PLCG2: variants seen among roughly 807,000 people sequenced by gnomAD.
The protein encoded by PLCG2 is phospholipase C gamma 2.
In PLCG2, 69 loss-of-function variants were observed where a neutral mutation model predicts 175.6. The observed-to-expected ratio is 0.39, with a 90% CI of 0.32 to 0.48. The LOEUF (loss-of-function observed/expected upper bound fraction) is 0.48, where lower values mean the gene tolerates loss of function less well. PLCG2 is among the 20% of genes least tolerant of loss of function. The pLI, the probability that PLCG2 is intolerant of heterozygous loss-of-function variation, is 0.91. For missense variants in PLCG2, 1,798 were observed against 1,650.9 expected, an observed-to-expected ratio of 1.09 and a Z score of -1.54; for synonymous variants, 827 against 624.0, an observed-to-expected ratio of 1.33 and a Z score of -4.85.
intron 31 of PLCG2, among the ~76,000 whole-genome samples, chr16:81,955,803 G>T (rs377416343): frequency 1.3e-5 from 2 of 152,202 alleles, no homozygotes; most frequent in Admixed American, 1.3e-4. Flanking sequence ...TTGTACTGGT[G>T]GGGGAAGTAG....
intron 29 of PLCG2, 45 bp from the exon 30 acceptor site, chr16:81,939,847 G>T: frequency 1.5e-6 from 2 of 1,351,952 alleles, no homozygotes; most frequent in Non-Finnish European, 2.1e-6. Flanking sequence ...TACCAGAAGG[G>T]GGCAGCTCCA....
Position 81,858,296 on chromosome 16 carries a change from C to G in PLCG2, c.371C>G (p.Ser124Cys), listed in dbSNP as rs1297995347. The G allele has an allele frequency of 6.2e-7, 1 of 1,614,028 alleles. No individual in the cohort carries two copies. Among genetic ancestry groups the G allele is most frequent in the East Asian group, 2.2e-5 (1 of 44,876 alleles). Reference protein sequence around the residue: ...DSKEDAVNWLSGLKILHQEAM... With the variant: ...DSKEDAVNWLCGLKILHQEAM... Reference sequence around the variant, plus strand: ...AAAGAGGATGCAGTTAACTGGCTCTCTGGCTTGAAAATCTTACACCAGGAA... The same window carrying G: ...AAAGAGGATGCAGTTAACTGGCTCTGTGGCTTGAAAATCTTACACCAGGAA... The change falls in exon 4 of 33, where the codon TCT becomes TGT. Residue 124 changes from serine to cysteine, a missense_variant. Physicochemically the swap from Ser to Cys is moderately radical, Grantham distance 112. Coordinates refer to ENST00000564138, the MANE Select transcript of PLCG2 (RefSeq NM_002661.5).
rs182278587 is a variant in PLCG2, at chr16:81,757,950, A to G, written c.-48+1984A>G. Among the ~76,000 whole-genome samples the G allele has an allele frequency of 3.0e-3, 452 of 152,050 alleles. 2 individuals are homozygous for G. Among genetic ancestry groups the G allele is most frequent in the African/African-American group, 0.011 (437 of 41,478 alleles). ...TGTCAGGCTTCTTTCACTTAGCATC[A>G]TGTGCTGTCGTTATTGTTGCTGTTT... On this transcript the variant is annotated intron_variant, in intron 2 of 5. Transcript: ENST00000565054.
rs1377896121 is a variant in PLCG2 at position 81,744,110 on chromosome 16, G to A, written c.-145+4725G>A. On this transcript the variant is annotated intron_variant, in intron 1 of 5. Transcript: ENST00000565054. ...CCTGACCTCGTAATCCACCCGCCTCGGCCTCCCAAAGTGCTGGGATTACAG... is the reference window on the plus strand; with the variant it reads ...CCTGACCTCGTAATCCACCCGCCTCAGCCTCCCAAAGTGCTGGGATTACAG... Among the ~76,000 whole-genome samples, 7 of 151,486 alleles carry A rather than the reference G, an allele frequency of 4.6e-5. No homozygotes were observed. In the East Asian group the frequency reaches 9.7e-4, roughly 21 times the overall value.
At chr16:81,885,845 G>A (rs1908333194) in intron 9 of PLCG2, among the ~76,000 whole-genome samples, 1 of 152,174 alleles carries the variant, frequency 6.6e-6, no homozygotes, top group African/African-American at 2.4e-5. Context: ...TGAGGATGTT[G>A]ATGCGTGTTG....
At chr16:81,877,581 T>C (rs1178030134) in intron 7 of PLCG2, among the ~76,000 whole-genome samples, 1 of 152,200 alleles carries the variant, frequency 6.6e-6, no homozygotes, top group African/African-American at 2.4e-5. Context: ...GTTCCAGACA[T>C]CTTTCATGGC....
At chr16:81,947,243 C>T (rs562018547) in intron 31 of PLCG2, among the ~76,000 whole-genome samples, 1 of 152,170 alleles carries the variant, frequency 6.6e-6, no homozygotes, top group African/African-American at 2.4e-5. Flanking sequence ...AAGCTTAATG[C>T]CGGGGCTGCC....
chr16:81,795,773 C>T (rs920854156), intron 2 of PLCG2, among the ~76,000 whole-genome samples: 5 of 152,010 alleles, frequency 3.3e-5, no homozygotes, highest in African/African-American at 1.2e-4. Context: ...GATCACAGCT[C>T]ACTGCAGCCT....
intron 1 of PLCG2, among the ~76,000 whole-genome samples, chr16:81,753,018 C>T (rs966323633): frequency 6.6e-6 from 1 of 152,252 alleles, no homozygotes; most frequent in Admixed American, 6.5e-5. Flanking sequence ...ACAGCAAGTG[C>T]TTAATAATGG....
intron 1 of PLCG2, among the ~76,000 whole-genome samples, chr16:81,747,671 A>G (rs1462965436): frequency 6.6e-6 from 1 of 152,210 alleles, no homozygotes; most frequent in Non-Finnish European, 1.5e-5. Flanking sequence ...AGCCATTTAA[A>G]ATAATAAGGT....
At chr16:81,883,429 T>C (rs1908192012) in intron 9 of PLCG2, 88 bp downstream of exon 9, 1 of 1,062,458 alleles carries the variant, frequency 9.4e-7, no homozygotes, top group Admixed American at 1.8e-5. Context: ...TGTGCTCACC[T>C]GGTCACCTGT....
chr16:81,760,149 G>A (rs1910008187), intron 2 of PLCG2, among the ~76,000 whole-genome samples: 1 of 152,224 alleles, frequency 6.6e-6, no homozygotes, highest in Admixed American at 6.5e-5. Flanking sequence ...GAAGAATGAG[G>A]AATTTATTAA....
chr16:81,929,593 G>A (rs1317597604), intron 24 of PLCG2, among the ~76,000 whole-genome samples: 5 of 152,084 alleles, frequency 3.3e-5, no homozygotes, highest in Non-Finnish European at 5.9e-5. Flanking sequence ...CTAGGGTTTC[G>A]CCATGTGGGC....
chr16:81,828,490 G>C (rs28531390), intron 2 of PLCG2, among the ~76,000 whole-genome samples: 1 of 151,862 alleles, frequency 6.6e-6, no homozygotes, highest in Non-Finnish European at 1.5e-5. Context: ...CACCCATCTC[G>C]GCCTCCCAAA....
intron 2 of PLCG2, among the ~76,000 whole-genome samples, chr16:81,810,274 C>T (rs1218762920): frequency 6.6e-6 from 1 of 152,170 alleles, no homozygotes; most frequent in African/African-American, 2.4e-5. Context: ...TGTGAGCCAC[C>T]GTGCCCAGCC....
chr16:81,823,716 G>A (rs1234129372), intron 2 of PLCG2, among the ~76,000 whole-genome samples: 3 of 149,582 alleles, frequency 2.0e-5, no homozygotes, highest in African/African-American at 7.4e-5. Flanking sequence ...TCCCTGTAGA[G>A]ACAGGGTCTC....
intron 2 of PLCG2, among the ~76,000 whole-genome samples, chr16:81,797,273 T>A (rs915157345): frequency 6.9e-6 from 1 of 144,998 alleles, no homozygotes; most frequent in Admixed American, 7.2e-5. Context: ...CCTTGGTGAA[T>A]CATTTTTGAA....
intron 22 of PLCG2, among the ~76,000 whole-genome samples, chr16:81,925,324 A>T (rs920646619): frequency 1.3e-5 from 2 of 152,070 alleles, no homozygotes; most frequent in Admixed American, 6.5e-5. Flanking sequence ...GGACCAAACA[A>T]TTATTGTCTG....
At chr16:81,957,500 A>T (rs1288227365) in intron 32 of PLCG2, among the ~76,000 whole-genome samples, 1 of 152,178 alleles carries the variant, frequency 6.6e-6, no homozygotes, top group African/African-American at 2.4e-5. Flanking sequence ...TTGTGTTTCC[A>T]AGAATGGGCT....
Sources: allele counts gnomAD v4.1 joint callset (sites outside exome capture counted in the v4.1 genomes callset), GRCh38; gene constraint gnomAD v4.1.1; transcripts MANE v1.5; gene names NCBI Gene and HGNC (gene_info 2026-07-23, HGNC 2026-07-21).